SF3B1: variants seen among roughly 807,000 people sequenced by gnomAD.
SF3B1 encodes the protein pre-mRNA processing 10.
In SF3B1, 12 loss-of-function variants were observed where a neutral mutation model predicts 153.8. The observed-to-expected ratio is 0.08, with a 90% CI of 0.05 to 0.13. The LOEUF (loss-of-function observed/expected upper bound fraction) is 0.13, where lower values mean the gene tolerates loss of function less well. SF3B1 is among the 10% of genes least tolerant of loss of function. The pLI, the probability that SF3B1 is intolerant of heterozygous loss-of-function variation, is 1.00. For missense variants in SF3B1, 513 were observed against 1,606.1 expected, an observed-to-expected ratio of 0.32 and a Z score of 11.63; for synonymous variants, 498 against 525.2, an observed-to-expected ratio of 0.95 and a Z score of 0.71.
intron 6 of SF3B1, among the ~76,000 whole-genome samples, chr2:197,413,225 AC>A (rs2085098365): frequency 2.0e-5 from 3 of 151,718 alleles, no homozygotes; most frequent in African/African-American, 7.3e-5. Context: ...ACATGGAGAA[AC>A]CCTGTCTCTA....
rs1045682212 is a variant in SF3B1, at chr2:197,400,581, C to T, written c.2718+134G>A. ...CTTAAAACTTGAGGTAGAATAATAT[C>T]GTTTGGTAACCCCCTGAGCATTTTA... On this transcript the variant is annotated intron_variant, in intron 18 of 24. Coordinates refer to ENST00000335508, the MANE Select transcript of SF3B1 (RefSeq NM_012433.4). The surrounding 1 kb of genome is among the most constrained non-coding windows in gnomAD (Gnocchi z 5.0). 2.1e-5 allele frequency: 21 copies of T among 990,872 alleles called. No individual in the cohort carries two copies. Among genetic ancestry groups the T allele is most frequent in the Non-Finnish European group, 2.8e-5 (19 of 679,918 alleles). The allele number at this position is 990,872 out of a possible 1,614,324, so 61.4% of individuals were successfully genotyped here.
chr2:197,411,126 A>C (rs534552351), intron 6 of SF3B1, among the ~76,000 whole-genome samples: 40 of 152,098 alleles, frequency 2.6e-4, no homozygotes, highest in Non-Finnish European at 4.9e-4. Flanking sequence ...TTTCTTGGAG[A>C]GATAAGAGTC....
intron 5 of SF3B1, 119 bp from the exon 6 acceptor site, chr2:197,417,030 C>T (rs528226805): frequency 2.1e-6 from 2 of 947,462 alleles, no homozygotes; most frequent in Non-Finnish European, 3.1e-6. Context: ...TTTCTATGTA[C>T]TGGTGATCTC....
chr2:197,425,295 G>A lies in SF3B1; in HGVS notation c.29-1321C>T, dbSNP rs573935275. Among the ~76,000 whole-genome samples, 5 of 151,978 alleles carry A rather than the reference G, an allele frequency of 3.3e-5. No individual in the cohort carries two copies. The South Asian group carries it at 8.3e-4, about 25-fold the overall frequency. ...AGCCTGGCCAATGTGCTAAAACCCC[G>A]TCTCTACTAAAAATACAAAAATTAG... On this transcript the variant is annotated intron_variant, in intron 1 of 24. Coordinates refer to ENST00000335508, the MANE Select transcript of SF3B1 (RefSeq NM_012433.4).
At chr2:197,410,465 T>C (rs2085051663) in intron 6 of SF3B1, among the ~76,000 whole-genome samples, 1 of 152,076 alleles carries the variant, frequency 6.6e-6, no homozygotes, top group South Asian at 2.1e-4. Context: ...TTGTGTGTGT[T>C]TAATTAATAT....
chr2:197,409,149 C>A (rs1686182752), intron 7 of SF3B1, among the ~76,000 whole-genome samples: 1 of 152,052 alleles, frequency 6.6e-6, no homozygotes, highest in South Asian at 2.1e-4. Context: ...CCTGTAATCC[C>A]AGCATTTCAG....
chr2:197,410,464 TTTAA>T (rs2085051712), intron 6 of SF3B1, among the ~76,000 whole-genome samples: 1 of 152,082 alleles, frequency 6.6e-6, no homozygotes, highest in Non-Finnish European at 1.5e-5. Flanking sequence ...ATTGTGTGTG[TTTAA>T]TTAATATAAA....
chr2:197,396,438 T>C, intron 22 of SF3B1, 110 bp from the exon 23 acceptor site: 1 of 822,882 alleles, frequency 1.2e-6, no homozygotes, highest in Non-Finnish European at 1.9e-6. Flanking sequence ...TACAGGGAAC[T>C]CAGTAATTTT....
At chr2:197,428,556 T>C (rs914169709) in intron 1 of SF3B1, among the ~76,000 whole-genome samples, 2 of 152,160 alleles carry the variant, frequency 1.3e-5, no homozygotes, top group African/African-American at 4.8e-5. Flanking sequence ...ACTAAAAATA[T>C]GCAAATAGAT....
At chr2:197,394,385 ATTAAAG>A (rs1326966053) in intron 23 of SF3B1, among the ~76,000 whole-genome samples, 2 of 152,168 alleles carry the variant, frequency 1.3e-5, no homozygotes, top group African/African-American at 2.4e-5. Context: ...AGGTAACTAA[ATTAAAG>A]TTAAATTCCC....
intron 6 of SF3B1, among the ~76,000 whole-genome samples, chr2:197,414,981 G>A (rs2085126079): frequency 6.6e-6 from 1 of 151,854 alleles, no homozygotes; most frequent in Admixed American, 6.6e-5. Context: ...TCCAACCTTG[G>A]CAACAGAATG....
rs1314205068 is a variant in SF3B1, at chr2:197,391,475, A to G, written c.*828T>C. On this transcript the variant is annotated 3_prime_UTR_variant, in exon 25 of 25. Transcript: ENST00000335508. ...GATGCATTGCTGAGTAGTGGCTTAT[A>G]ACATGGAGAAAAGCCCAACATTGTC... The G allele has an allele frequency of 2.0e-5, 3 of 152,370 alleles. No homozygotes were observed. The East Asian group carries it at 5.8e-4, about 29-fold the overall frequency. The allele number at this position is 152,370 out of a possible 1,614,324, so 9.4% of individuals were successfully genotyped here.
At chr2:197,410,178 A>G (rs932952683) in intron 6 of SF3B1, among the ~76,000 whole-genome samples, 171 bp from the exon 7 acceptor site, 2 of 152,192 alleles carry the variant, frequency 1.3e-5, no homozygotes, top group African/African-American at 4.8e-5. Context: ...CTTTCTAGCA[A>G]ATGTTTATGA....
chr2:197,426,031 G>C (rs1012746637), intron 1 of SF3B1, among the ~76,000 whole-genome samples: 3 of 151,580 alleles, frequency 2.0e-5, no homozygotes, highest in Admixed American at 6.6e-5. Context: ...CAAAATGATA[G>C]AATAGTTTTA....
intron 9 of SF3B1, 148 bp downstream of exon 9, chr2:197,407,850 T>A (rs2085015025): frequency 1.5e-6 from 1 of 646,276 alleles, no homozygotes; most frequent in Admixed American, 2.9e-5. Flanking sequence ...CATCTCTATA[T>A]GGAACTGAAA....
chr2:197,431,446 C>T (rs2085435405), intron 1 of SF3B1, among the ~76,000 whole-genome samples: 1 of 152,120 alleles, frequency 6.6e-6, no homozygotes. Context: ...GCCTTAGATC[C>T]TGCTAAACCC....
rs2084975360 is a variant in SF3B1, at chr2:197,405,020, T to C, written c.1539+56A>G. 9.6e-6 allele frequency: 12 copies of C among 1,245,886 alleles called. No homozygotes were observed. In the South Asian group the frequency reaches 1.3e-4, roughly 13 times the overall value. The allele number at this position is 1,245,886 out of a possible 1,614,324, so 77.2% of individuals were successfully genotyped here. On this transcript the variant is annotated intron_variant, in intron 11 of 24. Transcript: ENST00000335508. ...CCTGTCTCTACAAAAACTACAAATT[T>C]TTTTTAATTAAATAAATAAGCAACA...
intron 6 of SF3B1, among the ~76,000 whole-genome samples, chr2:197,412,673 A>C (rs914497426): frequency 6.6e-6 from 1 of 150,692 alleles, no homozygotes; most frequent in Non-Finnish European, 1.5e-5. Flanking sequence ...TGTAGTTTTT[A>C]TAAGAAAGAT....
intron 3 of SF3B1, 138 bp downstream of exon 3, chr2:197,420,889 GAA>G (rs2085229704): frequency 3.3e-6 from 2 of 603,790 alleles, no homozygotes; most frequent in African/African-American, 3.9e-5. Flanking sequence ...GTGTCAAAAA[GAA>G]AAAGATTACA....
Sources: allele counts gnomAD v4.1 joint callset (sites outside exome capture counted in the v4.1 genomes callset), GRCh38; gene constraint gnomAD v4.1.1; non-coding constraint Gnocchi (gnomAD v3.1); transcripts MANE v1.5; gene names NCBI Gene and HGNC (gene_info 2026-07-23, HGNC 2026-07-21).